Variants in HERC1 observed in about 807,000 individuals in gnomAD.
HERC1 encodes HECT and RLD domain containing E3 ubiquitin protein ligase family member 1, also known as probable E3 ubiquitin-protein ligase HERC1.
In HERC1, 160 loss-of-function variants were observed where a neutral mutation model predicts 554.3. The ratio of observed to expected loss-of-function variants is 0.29; its 90% CI spans 0.25 to 0.33. The LOEUF (loss-of-function observed/expected upper bound fraction) is 0.33. Among genes scored for constraint, HERC1 ranks in the 10% least tolerant of loss-of-function variants. The pLI, the probability that HERC1 is intolerant of heterozygous loss-of-function variation, is 1.00. For synonymous variants in HERC1, 2,175 were observed against 2,131.7 expected, an observed-to-expected ratio of 1.02 and a Z score of -0.56; for missense variants, 4,919 against 5,918.5, an observed-to-expected ratio of 0.83 and a Z score of 5.54.
At position 63,624,640 on chromosome 15, in the gene HERC1, G is replaced by C. The variant is rs1595843349; in HGVS notation, c.13276-313C>G. ...AGTCCAAGGAGGTTGAGGCTGCAGTGAGCTGAGATAATGCTACTGCACTCC... is the reference window on the plus strand; with the variant it reads ...AGTCCAAGGAGGTTGAGGCTGCAGTCAGCTGAGATAATGCTACTGCACTCC... On this transcript the variant is annotated intron_variant, in intron 71 of 77. Coordinates refer to ENST00000443617, the MANE Select transcript of HERC1 (RefSeq NM_003922.4). Among the ~76,000 whole-genome samples, 3 of 152,188 alleles carry C rather than the reference G, an allele frequency of 2.0e-5. No individual in the cohort carries two copies. In the South Asian group the frequency reaches 6.2e-4, roughly 32 times the overall value.
intron 8 of HERC1, 112 bp downstream of exon 8, chr15:63,752,846 T>C: frequency 9.9e-7 from 1 of 1,012,602 alleles, no homozygotes; most frequent in South Asian, 1.8e-5. Flanking sequence ...TTTTAGCATG[T>C]TGCCTAAAAA....
At chr15:63,833,497 G>A (rs1409171069) in intron 1 of HERC1, among the ~76,000 whole-genome samples, 1 of 152,108 alleles carries the variant, frequency 6.6e-6, no homozygotes, top group Non-Finnish European at 1.5e-5. Flanking sequence ...AGCGGGGCCG[G>A]GGCACAGACG....
At chr15:63,724,535 T>C (rs1567054749) in intron 18 of HERC1, among the ~76,000 whole-genome samples, 1 of 152,234 alleles carries the variant, frequency 6.6e-6, no homozygotes, top group Non-Finnish European at 1.5e-5. Flanking sequence ...CCGCTCTCCT[T>C]CTTTCCTCTC....
In HERC1 at chr15:63,713,529, T is replaced by C; in HGVS notation, c.4287A>G (p.Thr1429=). The C allele has an allele frequency of 1.9e-6, 3 of 1,614,022 alleles. No homozygotes were observed. In the South Asian group the frequency reaches 3.3e-5, roughly 18 times the overall value. Residue 1429 remains threonine (T), a synonymous_variant, in exon 23 of 78, where the codon ACA becomes ACG. Transcript: ENST00000443617. ...PQSQQERRVS[T]DLPEGQDVYT... ...ACACATCCTGACCCTCAGGAAGGTC[T>C]GTGCTGACCCTTCGCTCTTGCTGAG...
rs1555405770 is a variant in HERC1, at chr15:63,630,638, G to A, written c.12797-3C>T. 6.2e-7 allele frequency: 1 copy of A among 1,603,920 alleles called. No homozygotes were observed. Among genetic ancestry groups the A allele is most frequent in the Non-Finnish European group, 8.5e-7 (1 of 1,176,162 alleles). Reference sequence around the variant, plus strand: ...CTCTGGCAAGCCTATCAGGCGATCTGAAAAAAACAAAACAAAAACATGTGG... The same window carrying A: ...CTCTGGCAAGCCTATCAGGCGATCTAAAAAAAACAAAACAAAAACATGTGG... On this transcript the variant is annotated splice_region_variant and splice_polypyrimidine_tract_variant and intron_variant, in intron 68 of 77. Transcript: ENST00000443617.
At chr15:63,786,387 A>G (rs2076446833) in intron 1 of HERC1, among the ~76,000 whole-genome samples, 1 of 152,170 alleles carries the variant, frequency 6.6e-6, no homozygotes, top group African/African-American at 2.4e-5. Context: ...TGGCCCAACA[A>G]TTCGACTCCT....
chr15:63,621,133 A>G (rs977286975), intron 74 of HERC1, among the ~76,000 whole-genome samples: 36 of 152,246 alleles, frequency 2.4e-4, no homozygotes, highest in African/African-American at 8.7e-4. Flanking sequence ...GGCTGGTACC[A>G]GTTCTTCCTT....
At chr15:63,791,633 C>G (rs1447043796) in intron 1 of HERC1, among the ~76,000 whole-genome samples, 1 of 152,076 alleles carries the variant, frequency 6.6e-6, no homozygotes, top group East Asian at 1.9e-4. Context: ...AACAATTCTT[C>G]GAGGGAGTTC....
intron 71 of HERC1, among the ~76,000 whole-genome samples, chr15:63,625,079 T>C (rs1379285388): frequency 6.6e-6 from 1 of 152,216 alleles, no homozygotes; most frequent in Non-Finnish European, 1.5e-5. Flanking sequence ...CACAGGACTC[T>C]GCTGCCTATC....
chr15:63,636,184 A>C, intron 64 of HERC1, 42 bp from the exon 65 acceptor site: 1 of 1,571,384 alleles, frequency 6.4e-7, no homozygotes, highest in Non-Finnish European at 8.7e-7. Flanking sequence ...CTGGATGTTA[A>C]AACTCTCCTC....
intron 12 of HERC1, among the ~76,000 whole-genome samples, chr15:63,744,021 C>T (rs1287605761): frequency 6.6e-6 from 1 of 151,944 alleles, no homozygotes; most frequent in African/African-American, 2.4e-5. Context: ...AGAGGTACCA[C>T]CTTGATGGTC....
intron 55 of HERC1, among the ~76,000 whole-genome samples, chr15:63,646,682 C>A (rs2069362570): frequency 6.6e-6 from 1 of 151,488 alleles, no homozygotes; most frequent in Admixed American, 6.6e-5. Flanking sequence ...GTGGCGGGCG[C>A]CTGTAATCCC....
intron 52 of HERC1, among the ~76,000 whole-genome samples, chr15:63,651,756 C>T (rs59561105): frequency 0.012 from 1,882 of 152,178 alleles, 35 homozygotes; most frequent in African/African-American, 0.044. Context: ...ATTAAAAATG[C>T]GGCTGGGCGT....
intron 57 of HERC1, 132 bp from the exon 58 acceptor site, chr15:63,643,682 A>C (rs2069180384): frequency 1.7e-6 from 1 of 578,920 alleles, no homozygotes; most frequent in Non-Finnish European, 3.0e-6. Context: ...TCTCTCATAA[A>C]GGATAGTAAG....
At chr15:63,738,329 T>C (rs2074635347) in intron 12 of HERC1, among the ~76,000 whole-genome samples, 1 of 152,136 alleles carries the variant, frequency 6.6e-6, no homozygotes, top group Admixed American at 6.6e-5. Flanking sequence ...AAAAGCAATA[T>C]GGGATCCCAA....
At chr15:63,649,964 C>A in intron 53 of HERC1, 39 bp from the exon 54 acceptor site, 2 of 1,441,068 alleles carry the variant, frequency 1.4e-6, no homozygotes, top group Admixed American at 2.1e-5. Flanking sequence ...TTACTTAATT[C>A]TTAAAAAGAA....
intron 76 of HERC1, among the ~76,000 whole-genome samples, chr15:63,613,488 C>T (rs1206547338): frequency 2.0e-5 from 3 of 152,188 alleles, no homozygotes; most frequent in Admixed American, 2.0e-4. Flanking sequence ...CAACTCAAAA[C>T]CATCTACCAC....
In HERC1 at chr15:63,692,138, T is replaced by G. The variant is rs2072149544; in HGVS notation, c.5830+273A>C. Among the ~76,000 whole-genome samples, 1 of 152,224 alleles carries G rather than the reference T, an allele frequency of 6.6e-6. No homozygotes were observed. The highest frequency in any genetic ancestry group is 6.5e-5 in the Admixed American group (1 of 15,284). Reference sequence around the variant, plus strand: ...TAAAATATCGTATTAAACAGGATGTTCTCTGCTTACTCTTAGGTTTGTAAT... The same window carrying G: ...TAAAATATCGTATTAAACAGGATGTGCTCTGCTTACTCTTAGGTTTGTAAT... On this transcript the variant is annotated intron_variant, in intron 31 of 77. Transcript: ENST00000443617. This position sits in a 1 kb window ranked among gnomAD's most constrained non-coding sequence, Gnocchi z 4.7.
chr15:63,712,190 A>T (rs1364579875), intron 24 of HERC1, among the ~76,000 whole-genome samples: 1 of 152,210 alleles, frequency 6.6e-6, no homozygotes, highest in African/African-American at 2.4e-5. Context: ...GAAATGTGGA[A>T]GGTGGGCACA....
Sources: allele counts gnomAD v4.1 joint callset (sites outside exome capture counted in the v4.1 genomes callset), GRCh38; gene constraint gnomAD v4.1.1; non-coding constraint Gnocchi (gnomAD v3.1); transcripts MANE v1.5; gene names NCBI Gene and HGNC (gene_info 2026-07-23, HGNC 2026-07-21).